Variants in AGBL4 observed in about 807,000 individuals in gnomAD.
AGBL4 encodes the protein AGBL carboxypeptidase 4, also known as cytosolic carboxypeptidase 6.
AGBL4 carries 58 observed loss-of-function variants against 66.4 expected under a neutral mutation model. The ratio of observed to expected loss-of-function variants is 0.87; its 90% CI spans 0.71 to 1.09. The LOEUF (loss-of-function observed/expected upper bound fraction) is 1.09. Among genes scored for constraint, AGBL4 ranks in the 50% least tolerant of loss-of-function variants. The probability of loss-of-function intolerance (pLI) is 0.00; values close to 1 mark genes in which losing one functional copy is unlikely to be tolerated. For missense variants in AGBL4, 579 were observed against 631.0 expected, an observed-to-expected ratio of 0.92 and a Z score of 0.88; for synonymous variants, 234 against 222.9, an observed-to-expected ratio of 1.05 and a Z score of -0.44.
At chr1:49,351,008 T>C (rs1645742156) in intron 3 of AGBL4, among the ~76,000 whole-genome samples, 1 of 152,212 alleles carries the variant, frequency 6.6e-6, no homozygotes, top group African/African-American at 2.4e-5. Context: ...CACAGTTTTT[T>C]GGCTGTCTCA....
At chr1:49,325,245 T>C (rs1259568347) in intron 3 of AGBL4, among the ~76,000 whole-genome samples, 1 of 152,198 alleles carries the variant, frequency 6.6e-6, no homozygotes, top group East Asian at 1.9e-4. Context: ...CAGGATGATC[T>C]CGATCTCCTG....
chr1:48,946,536 T>C (rs761501039), intron 5 of AGBL4, among the ~76,000 whole-genome samples: 6 of 151,566 alleles, frequency 4.0e-5, no homozygotes, highest in South Asian at 2.1e-4. Context: ...AGTTTCTGCA[T>C]TGGAAAATGG....
intron 3 of AGBL4, among the ~76,000 whole-genome samples, chr1:49,351,820 T>G (rs1047584843): frequency 1.3e-5 from 2 of 152,212 alleles, no homozygotes; most frequent in African/African-American, 2.4e-5. Flanking sequence ...TTCTTCTGCC[T>G]GAGCCTCAGT....
intron 1 of AGBL4, among the ~76,000 whole-genome samples, chr1:49,872,402 A>T (rs1471047935): frequency 6.6e-6 from 1 of 152,124 alleles, no homozygotes; most frequent in Non-Finnish European, 1.5e-5. Context: ...ACATATTTTC[A>T]AATGGCATTA....
intron 5 of AGBL4, among the ~76,000 whole-genome samples, chr1:48,868,988 A>G (rs1219730833): frequency 6.6e-6 from 1 of 152,120 alleles, no homozygotes; most frequent in Non-Finnish European, 1.5e-5. Flanking sequence ...CTTTACTCAT[A>G]AGACCTGGTC....
chr1:48,798,186 T>TG (rs1336720948), intron 6 of AGBL4, among the ~76,000 whole-genome samples: 2 of 152,186 alleles, frequency 1.3e-5, no homozygotes, highest in Non-Finnish European at 2.9e-5. Context: ...AGGAGTAAGG[T>TG]GGTATCTCAT....
Position 48,587,054 on chromosome 1 carries a change from C to G in AGBL4, c.1217G>C (p.Ser406Thr). ...YCYTLEVSFY[S>T]YIISGTTAAV... is the part of the protein sequence containing the mutation. Reference sequence around the variant, plus strand: ...AGCCGTGGTGCCACTGATGATGTAGCTGTAGAAGGAGACCTCTAGGGTGTA... The same window carrying G: ...AGCCGTGGTGCCACTGATGATGTAGGTGTAGAAGGAGACCTCTAGGGTGTA... Residue 406 changes from serine to threonine, a missense_variant, in exon 11 of 14, where the codon AGC becomes ACC. Transcript: ENST00000371839. 6.2e-7 allele frequency: 1 copy of G among 1,608,198 alleles called. No individual in the cohort carries two copies. The highest frequency in any genetic ancestry group is 8.5e-7 in the Non-Finnish European group (1 of 1,177,558).
chr1:48,775,841 T>C (rs1300733279), intron 6 of AGBL4, among the ~76,000 whole-genome samples: 2 of 152,052 alleles, frequency 1.3e-5, no homozygotes, highest in East Asian at 3.9e-4. Flanking sequence ...GGATGAGAGG[T>C]CCAGTGTTAT....
At chr1:49,413,704 C>A (rs1351813035) in intron 3 of AGBL4, among the ~76,000 whole-genome samples, 1 of 152,126 alleles carries the variant, frequency 6.6e-6, no homozygotes, top group Non-Finnish European at 1.5e-5. Flanking sequence ...TCTGCAGCCA[C>A]AACAATCACA....
At chr1:49,840,725 T>G (rs142738354) in intron 2 of AGBL4, among the ~76,000 whole-genome samples, 2 of 152,278 alleles carry the variant, frequency 1.3e-5, no homozygotes, top group African/African-American at 4.8e-5. Flanking sequence ...ATCTACCACA[T>G]GAACAGAATT....
chr1:48,688,077 G>T (rs1646563618), intron 6 of AGBL4, among the ~76,000 whole-genome samples: 1 of 152,126 alleles, frequency 6.6e-6, no homozygotes, highest in African/African-American at 2.4e-5. Flanking sequence ...ACCTAGAACA[G>T]TAGGTATTAA....
At chr1:49,241,006 C>T (rs1338380917) in intron 4 of AGBL4, among the ~76,000 whole-genome samples, 1 of 151,930 alleles carries the variant, frequency 6.6e-6, no homozygotes, top group Non-Finnish European at 1.5e-5. Flanking sequence ...TTTTACTCTC[C>T]ACATCTAGTC....
chr1:50,011,027 G>A, intron 1 of AGBL4, among the ~76,000 whole-genome samples: 1 of 152,030 alleles, frequency 6.6e-6, no homozygotes, highest in East Asian at 1.9e-4. Context: ...AAATTTAAGA[G>A]ACATCTCACA....
intron 3 of AGBL4, among the ~76,000 whole-genome samples, chr1:49,669,814 T>C (rs1452353712): frequency 6.6e-6 from 1 of 152,092 alleles, no homozygotes; most frequent in Non-Finnish European, 1.5e-5. Flanking sequence ...TTCCAGTGTA[T>C]ACATATATTG....
At chr1:49,112,134 G>A (rs1645424671) in intron 4 of AGBL4, among the ~76,000 whole-genome samples, 1 of 152,192 alleles carries the variant, frequency 6.6e-6, no homozygotes, top group Non-Finnish European at 1.5e-5. Flanking sequence ...CATGTGTGAG[G>A]TCTGAGATTT....
chr1:48,603,195 A>G (rs1443390837), intron 9 of AGBL4, among the ~76,000 whole-genome samples: 2 of 152,218 alleles, frequency 1.3e-5, no homozygotes, highest in African/African-American at 4.8e-5. Flanking sequence ...ATTGGGGCCC[A>G]GCGCAGTGGC....
intron 6 of AGBL4, chr1:48,776,561 A>C: frequency 1.7e-4 from 127 of 748,210 alleles, no homozygotes; most frequent in Middle Eastern, 5.1e-4. Flanking sequence ...CCGGGGTCCC[A>C]GCCCCCGCCC....
intron 6 of AGBL4, among the ~76,000 whole-genome samples, chr1:48,779,975 A>G (rs904274308): frequency 2.0e-5 from 3 of 151,916 alleles, no homozygotes; most frequent in African/African-American, 4.8e-5. Context: ...CGGCCTCCCA[A>G]TGTGCTGGGA....
intron 6 of AGBL4, among the ~76,000 whole-genome samples, chr1:48,846,234 C>A (rs183304923): frequency 6.6e-6 from 1 of 152,046 alleles, no homozygotes; most frequent in African/African-American, 2.4e-5. Context: ...AAGGGGCCTG[C>A]TATACCTGGG....
Sources: gnomAD v4.1 joint callset for allele counts (sites outside exome capture counted in the v4.1 genomes callset) on GRCh38, gnomAD v4.1.1 for gene constraint, MANE v1.5 for transcripts, NCBI Gene and HGNC (gene_info 2026-07-23, HGNC 2026-07-21) for gene names.